The following CELSR1 variants were observed in gnomAD, a reference collection of about 807,000 sequenced individuals.
CELSR1 encodes the protein cadherin EGF LAG seven-pass G-type receptor 1, also known as adhesion G protein-coupled receptor C1.
In CELSR1, 110 loss-of-function variants were observed where a neutral mutation model predicts 249.1. The ratio of observed to expected loss-of-function variants is 0.44; its 90% CI spans 0.38 to 0.52. The LOEUF (loss-of-function observed/expected upper bound fraction) is 0.52, where lower values mean the gene tolerates loss of function less well. Among genes scored for constraint, CELSR1 ranks in the 20% least tolerant of loss-of-function variants. The pLI is 0.00. For synonymous variants in CELSR1, 2,113 were observed against 1,900.0 expected (o/e 1.11, Z -2.92); for missense variants, 4,109 against 4,296.4 (o/e 0.96, Z 1.22).
At chr22:46,368,083 T>C (rs1051317501) in intron 27 of CELSR1, among the ~76,000 whole-genome samples, 2 of 152,098 alleles carry the variant, frequency 1.3e-5, no homozygotes, top group Non-Finnish European at 2.9e-5. Context: ...GGTGGTGGAA[T>C]ACATTAGGAA....
intron 26 of CELSR1, 25 bp from the exon 27 acceptor site, chr22:46,369,283 T>TATCA: frequency 2.7e-5 from 10 of 374,832 alleles, no homozygotes; most frequent in Non-Finnish European, 4.1e-5. Flanking sequence ...AGCCGATCAA[T>TATCA]GTCTTCTCTC....
chr22:46,535,102 G>A lies in CELSR1; in HGVS notation c.2069C>T (p.Pro690Leu), dbSNP rs1887699429. 1 of 1,611,880 alleles carries A rather than the reference G, an allele frequency of 6.2e-7. No homozygotes were observed. The highest frequency in any genetic ancestry group is 1.7e-5 in the Admixed American group (1 of 59,958). Residue 690 changes from proline to leucine, a missense_variant, in exon 1 of 35, where the codon CCC (proline) becomes CTC (leucine). Physicochemically the swap from Pro to Leu is moderately conservative, Grantham distance 98. This residue lies in a region of CELSR1 where 886 missense variants were observed against 896.5 expected (regional missense o/e 0.99). Coordinates refer to ENST00000674500, the MANE Select transcript of CELSR1 (RefSeq NM_001378328.1). ...CTCATTCAGACGAAGCTCGTAGGTG[G>A]GCTGCGTGAACACCGGGTCGTTGTC... The part of the protein sequence containing the change: ...VNDNDPVFTQ[P>L]TYELRLNEDA...
Position 46,374,888 on chromosome 22 carries a change from C to T in CELSR1, c.7585-1831G>A, listed in dbSNP as rs1446076805. Reference sequence around the variant, plus strand: ...ATGGGCCCCGCACACGGAGCCCCCGCCAGCCCGGGGCCTCGGCCTCGGGAA... The same window carrying T: ...ATGGGCCCCGCACACGGAGCCCCCGTCAGCCCGGGGCCTCGGCCTCGGGAA... On this transcript the variant is annotated intron_variant, in intron 24 of 34. Coordinates refer to ENST00000674500, the MANE Select transcript of CELSR1 (RefSeq NM_001378328.1). The surrounding 1 kb of genome is among the most constrained non-coding windows in gnomAD (Gnocchi z 4.3). Among the ~76,000 whole-genome samples the T allele has an allele frequency of 6.6e-6, 1 of 152,218 alleles. No individual in the cohort carries two copies. The highest frequency in any genetic ancestry group is 2.4e-5 in the African/African-American group (1 of 41,460).
chr22:46,413,906 G>A lies in CELSR1; in HGVS notation c.4612-2147C>T, dbSNP rs1316464480. ...TTTACAACTTATAATTTACATTTTT[G>A]GGGCTGGGCGTGAGACTACTGGAGG... On this transcript the variant is annotated intron_variant, in intron 5 of 34. Transcript: ENST00000674500. This position sits in a 1 kb window ranked among gnomAD's most constrained non-coding sequence, Gnocchi z 4.7. Among the ~76,000 whole-genome samples the A allele has an allele frequency of 6.6e-6, 1 of 152,154 alleles. No individual in the cohort carries two copies. The highest frequency in any genetic ancestry group is 2.4e-5 in the African/African-American group (1 of 41,424).
At position 46,441,685 on chromosome 22, in the gene CELSR1, G is replaced by A. The variant is rs2079751357; in HGVS notation, c.4184-2274C>T. ...TTACAAGGACTCTAATTGCAGCCTGGGGGCCCCACCCCATGACCTCATCTA... is the reference window on the plus strand; with the variant it reads ...TTACAAGGACTCTAATTGCAGCCTGAGGGCCCCACCCCATGACCTCATCTA... On this transcript the variant is annotated intron_variant, in intron 2 of 34. Coordinates refer to ENST00000674500, the MANE Select transcript of CELSR1 (RefSeq NM_001378328.1). This position sits in a 1 kb window ranked among gnomAD's most constrained non-coding sequence, Gnocchi z 6.1. 6.6e-6 allele frequency among the ~76,000 whole-genome samples: 1 copy of A among 152,022 alleles called. No homozygotes were observed. The highest frequency in any genetic ancestry group is 1.5e-5 in the Non-Finnish European group (1 of 68,000).
At chr22:46,384,178 TGC>T (rs1331346478) in intron 20 of CELSR1, among the ~76,000 whole-genome samples, 1 of 152,132 alleles carries the variant, frequency 6.6e-6, no homozygotes, top group Non-Finnish European at 1.5e-5. Context: ...TCAGGTGATC[TGC>T]CCGCCTCGGC....
At position 46,401,254 on chromosome 22, in the gene CELSR1, C is replaced by T. The variant is rs1464407272; in HGVS notation, c.5227-1352G>A. Among the ~76,000 whole-genome samples the T allele has an allele frequency of 4.6e-5, 7 of 152,134 alleles. No individual in the cohort carries two copies. The highest frequency in any genetic ancestry group is 1.0e-4 in the Non-Finnish European group (7 of 68,032). On this transcript the variant is annotated intron_variant, in intron 9 of 34. Coordinates refer to ENST00000674500, the MANE Select transcript of CELSR1 (RefSeq NM_001378328.1). The surrounding 1 kb of genome is among the most constrained non-coding windows in gnomAD (Gnocchi z 4.7). ...AGCATTGCAACTGGCCTAAAACACT[C>T]ATATTTTAAAATAAGGTAGGCCAAG...
At chr22:46,469,308 C>T (rs1202692465) in intron 1 of CELSR1, among the ~76,000 whole-genome samples, 1 of 152,150 alleles carries the variant, frequency 6.6e-6, no homozygotes, top group African/African-American at 2.4e-5. Context: ...GTGATCTGTC[C>T]CTGTCATCGT....
At chr22:46,392,385 G>A (rs1337632136) in intron 14 of CELSR1, among the ~76,000 whole-genome samples, 4 of 152,160 alleles carry the variant, frequency 2.6e-5, no homozygotes, top group African/African-American at 4.8e-5. Context: ...CTGTGACTTG[G>A]GCAGACTCGT....
rs1334253951 is a variant in CELSR1, at chr22:46,527,465, CA to C, written c.3544+6161del. The stretch of plus-strand genomic sequence containing the variant: ...CTGCCCATCACACACTGCACACGTC[CA>C]GGGGGGTAGAGAAGAGTCCCAGCCC... On this transcript the variant is annotated intron_variant, in intron 1 of 34. Coordinates refer to ENST00000674500, the MANE Select transcript of CELSR1 (RefSeq NM_001378328.1). This position sits in a 1 kb window ranked among gnomAD's most constrained non-coding sequence, Gnocchi z 5.5. Among the ~76,000 whole-genome samples the C allele has an allele frequency of 3.3e-5, 5 of 152,176 alleles. No homozygotes were observed. In the East Asian group the frequency reaches 5.8e-4, roughly 18 times the overall value.
At chr22:46,476,761 A>C (rs78201323) in intron 1 of CELSR1, among the ~76,000 whole-genome samples, 3,558 of 152,184 alleles carry the variant, frequency 0.023, 120 homozygotes, top group African/African-American at 0.08. Flanking sequence ...GCTGGTTGCC[A>C]AGCGCAAGGG....
chr22:46,365,100 C>A, intron 32 of CELSR1, 131 bp downstream of exon 32: 1 of 1,298,468 alleles, frequency 7.7e-7, no homozygotes. Flanking sequence ...CCCCCCACCC[C>A]AGGCTGTCCT....
intron 23 of CELSR1, among the ~76,000 whole-genome samples, chr22:46,377,851 G>A (rs9615971): frequency 0.079 from 12,018 of 152,280 alleles, 652 homozygotes; most frequent in Admixed American, 0.11. Flanking sequence ...CAGAAACCAG[G>A]GCCACTTCAC....
Position 46,364,268 on chromosome 22 carries a change from C to T in CELSR1, c.8780-17G>A, listed in dbSNP as rs549787219. The T allele has an allele frequency of 6.5e-5, 105 of 1,604,732 alleles. 1 individual carries two copies. In the South Asian group the frequency reaches 7.4e-4, roughly 11 times the overall value. On this transcript the variant is annotated splice_polypyrimidine_tract_variant and intron_variant, in intron 33 of 34. Transcript: ENST00000674500. ...TCAAGATGCCTGGGAGGAGGAGACA[C>T]GGCAAGGTCAAGTCCGGGTGATGCT...
chr22:46,376,950 G>T lies in CELSR1; in HGVS notation c.7584+111C>A, dbSNP rs1196083626. The T allele has an allele frequency of 2.9e-6, 3 of 1,042,526 alleles. No individual in the cohort carries two copies. The African/African-American group carries it at 4.7e-5, about 16-fold the overall frequency. The allele number at this position is 1,042,526 out of a possible 1,614,324, so 64.6% of individuals were successfully genotyped here. On this transcript the variant is annotated intron_variant, in intron 24 of 34. Transcript: ENST00000674500. ...GAAAGGGCATCTGTGAAGCAGAGGTGGGGGTGGTGAGGAGGAGCTAGCCAG... is the reference window on the plus strand; with the variant it reads ...GAAAGGGCATCTGTGAAGCAGAGGTTGGGGTGGTGAGGAGGAGCTAGCCAG...
intron 3 of CELSR1, among the ~76,000 whole-genome samples, chr22:46,438,388 C>G (rs1326989286): frequency 6.6e-6 from 1 of 152,180 alleles, no homozygotes; most frequent in Non-Finnish European, 1.5e-5. Context: ...CAGCGGCTCT[C>G]AGAGGCTCAA....
chr22:46,477,673 A>G (rs1431687289), intron 1 of CELSR1, among the ~76,000 whole-genome samples: 1 of 151,880 alleles, frequency 6.6e-6, no homozygotes, highest in Non-Finnish European at 1.5e-5. Context: ...ACGCCAGGCT[A>G]ATTTTTTGTA....
At position 46,409,280 on chromosome 22, in the gene CELSR1, G is replaced by A. The variant is rs189683511; in HGVS notation, c.5060-118C>T. On this transcript the variant is annotated intron_variant, in intron 8 of 34. Coordinates refer to ENST00000674500, the MANE Select transcript of CELSR1 (RefSeq NM_001378328.1). This position sits in a 1 kb window ranked among gnomAD's most constrained non-coding sequence, Gnocchi z 9.8. ...GCCTGGGCCTTTTTCACTTTAACAC[G>A]AAGGTGGGTCTGAGCCTCCCCTCTG... 5.5e-5 allele frequency: 58 copies of A among 1,060,506 alleles called. No homozygotes were observed. The East Asian group carries it at 1.1e-3, about 21-fold the overall frequency. 65.7% of individuals were successfully genotyped at this position (1,060,506 alleles called of 1,614,324 possible). A position where few individuals can be genotyped will look rare whatever the true frequency, so the allele number is the denominator to read the frequency against.
At chr22:46,365,564 TC>T in intron 31 of CELSR1, 21 bp downstream of exon 31, 2 of 1,568,172 alleles carry the variant, frequency 1.3e-6, no homozygotes, top group South Asian at 1.2e-5. Context: ...CACGGGGTCC[TC>T]CCCCTCCAGG....
Sources: gnomAD v4.1 joint callset for allele counts (sites outside exome capture counted in the v4.1 genomes callset) on GRCh38, gnomAD v4.1.1 for gene constraint, gnomAD v4.1.1 regional missense constraint, Gnocchi (gnomAD v3.1) non-coding constraint, MANE v1.5 for transcripts, NCBI Gene and HGNC (gene_info 2026-07-23, HGNC 2026-07-21) for gene names.